The following AGBL4 variants were observed in gnomAD, a reference collection of about 807,000 sequenced individuals.
The protein encoded by AGBL4 is AGBL carboxypeptidase 4, also known as cytosolic carboxypeptidase 6.
In AGBL4, 58 loss-of-function variants were observed where a neutral mutation model predicts 66.4. The ratio of observed to expected loss-of-function variants is 0.87; its 90% CI spans 0.71 to 1.09. The LOEUF is 1.09. AGBL4 is among the 50% of genes least tolerant of loss of function. AGBL4 has a pLI of 0.00. For synonymous variants in AGBL4, 234 were observed against 222.9 expected, an observed-to-expected ratio of 1.05 and a Z score of -0.44; for missense variants, 579 against 631.0, an observed-to-expected ratio of 0.92 and a Z score of 0.88.
intron 3 of AGBL4, among the ~76,000 whole-genome samples, chr1:49,530,875 G>A (rs1651085970): frequency 6.6e-6 from 1 of 152,024 alleles, no homozygotes; most frequent in South Asian, 2.1e-4. Context: ...TACTGGCAAA[G>A]CAACTAGACA....
chr1:48,845,705 T>C (rs61262410), intron 6 of AGBL4, among the ~76,000 whole-genome samples: 6,295 of 152,252 alleles, frequency 0.041, 430 homozygotes, highest in African/African-American at 0.14. Flanking sequence ...AGCATCTATA[T>C]GCCAGTAGAG....
chr1:49,513,197 A>G (rs1348147626), intron 3 of AGBL4, among the ~76,000 whole-genome samples: 3 of 152,066 alleles, frequency 2.0e-5, no homozygotes, highest in Non-Finnish European at 2.9e-5. Context: ...CCATGCCAGA[A>G]TGAATATTTC....
intron 1 of AGBL4, among the ~76,000 whole-genome samples, chr1:49,914,351 G>C (rs894945592): frequency 2.0e-5 from 3 of 152,186 alleles, no homozygotes; most frequent in African/African-American, 7.2e-5. Context: ...AAGAGGAAGT[G>C]AAACAATTCA....
intron 3 of AGBL4, among the ~76,000 whole-genome samples, chr1:49,256,686 A>C (rs761754779): frequency 6.6e-6 from 1 of 152,226 alleles, no homozygotes; most frequent in Non-Finnish European, 1.5e-5. Context: ...TTTATATAGG[A>C]GTGCAGAAGG....
At chr1:49,257,037 C>T (rs1570239250) in intron 3 of AGBL4, among the ~76,000 whole-genome samples, 1 of 149,190 alleles carries the variant, frequency 6.7e-6, no homozygotes, top group Non-Finnish European at 1.5e-5. Context: ...AAAGTATGTA[C>T]AGTTTTTTTT....
intron 1 of AGBL4, among the ~76,000 whole-genome samples, chr1:49,881,642 G>T (rs943077384): frequency 6.6e-6 from 1 of 150,984 alleles, no homozygotes; most frequent in Non-Finnish European, 1.5e-5. Context: ...GGCCAGTGAT[G>T]ATGAGCATTT....
At chr1:48,793,167 C>T (rs189915283) in intron 6 of AGBL4, among the ~76,000 whole-genome samples, 1 of 152,274 alleles carries the variant, frequency 6.6e-6, no homozygotes, top group Non-Finnish European at 1.5e-5. Context: ...ATATTCCTTC[C>T]AGCTAAGCCT....
intron 9 of AGBL4, among the ~76,000 whole-genome samples, chr1:48,621,371 C>T (rs913551472): frequency 6.6e-6 from 1 of 152,186 alleles, no homozygotes; most frequent in Admixed American, 6.5e-5. Context: ...GACCTAGAAC[C>T]AGGCAATGGA....
intron 6 of AGBL4, among the ~76,000 whole-genome samples, chr1:48,744,027 C>T (rs975485489): frequency 2.6e-5 from 4 of 152,218 alleles, no homozygotes; most frequent in Non-Finnish European, 5.9e-5. Context: ...AAGAGCTCAA[C>T]TCATCCTGGT....
At chr1:49,975,448 C>T (rs1411378968) in intron 1 of AGBL4, among the ~76,000 whole-genome samples, 1 of 152,142 alleles carries the variant, frequency 6.6e-6, no homozygotes, top group African/African-American at 2.4e-5. Flanking sequence ...CAGATCAATG[C>T]TCAGAAAATG....
At chr1:49,163,168 T>C (rs1022706758) in intron 4 of AGBL4, among the ~76,000 whole-genome samples, 4 of 152,224 alleles carry the variant, frequency 2.6e-5, no homozygotes, top group African/African-American at 9.6e-5. Flanking sequence ...AGCTAGCATT[T>C]AGAACAAGTA....
chr1:48,906,222 T>C (rs1441047553), intron 5 of AGBL4, among the ~76,000 whole-genome samples: 4 of 152,140 alleles, frequency 2.6e-5, no homozygotes, highest in African/African-American at 9.7e-5. Flanking sequence ...AACAATAAAC[T>C]TAATCTTCCT....
intron 3 of AGBL4, among the ~76,000 whole-genome samples, chr1:49,460,498 C>T (rs529970954): frequency 4.6e-5 from 7 of 151,552 alleles, no homozygotes; most frequent in Non-Finnish European, 1.0e-4. Context: ...TTAGGTGAGT[C>T]TCGTGAAGAT....
chr1:48,563,038 G>C (rs1489098376), intron 11 of AGBL4, among the ~76,000 whole-genome samples: 1 of 152,120 alleles, frequency 6.6e-6, no homozygotes, highest in Non-Finnish European at 1.5e-5. Flanking sequence ...AGTTCCACAG[G>C]CTTCTTTCTT....
intron 2 of AGBL4, among the ~76,000 whole-genome samples, chr1:49,844,130 T>C (rs1184669763): frequency 1.3e-5 from 2 of 152,242 alleles, no homozygotes; most frequent in African/African-American, 4.8e-5. Context: ...GTGATGCATG[T>C]TGCAGCTATT....
At chr1:48,822,632 A>C (rs1189051923) in intron 6 of AGBL4, among the ~76,000 whole-genome samples, 1 of 152,206 alleles carries the variant, frequency 6.6e-6, no homozygotes, top group African/African-American at 2.4e-5. Context: ...GATTATATTA[A>C]CTTTACAGTA....
chr1:49,073,559 G>C (rs545068369), intron 4 of AGBL4, among the ~76,000 whole-genome samples: 31 of 152,272 alleles, frequency 2.0e-4, no homozygotes, highest in Admixed American at 5.9e-4. Flanking sequence ...AACCTTGTTT[G>C]CCTGGGTATC....
intron 3 of AGBL4, among the ~76,000 whole-genome samples, chr1:49,558,446 G>C (rs1273879142): frequency 3.3e-5 from 5 of 152,088 alleles, no homozygotes; most frequent in Admixed American, 6.6e-5. Flanking sequence ...GGGTTCAAGC[G>C]ATTCTCCTGT....
chr1:48,780,410 C>T (rs576981997), intron 6 of AGBL4, among the ~76,000 whole-genome samples: 24 of 152,104 alleles, frequency 1.6e-4, no homozygotes, highest in South Asian at 4.2e-4. Flanking sequence ...ACTTTCTTCA[C>T]GGAATTAGAA....
Sources: allele counts gnomAD v4.1 joint callset (sites outside exome capture counted in the v4.1 genomes callset), GRCh38; gene constraint gnomAD v4.1.1; transcripts MANE v1.5; gene names NCBI Gene and HGNC (gene_info 2026-07-23, HGNC 2026-07-21).